The following PCDHA6 variants were observed in gnomAD, a reference collection of about 807,000 sequenced individuals.
PCDHA6 encodes protocadherin alpha-6.
In PCDHA6, 55 loss-of-function variants were observed where a neutral mutation model predicts 60.3. That is an observed-to-expected ratio of 0.91 (90% CI 0.73 to 1.14). The LOEUF (loss-of-function observed/expected upper bound fraction) is 1.14. Ranked by LOEUF, PCDHA6 falls within the 50% of genes most tolerant of loss-of-function variation. The pLI is 0.00. For synonymous variants in PCDHA6, 652 were observed against 557.9 expected, an observed-to-expected ratio of 1.17 and a Z score of -2.38; for missense variants, 1,327 against 1,256.5, an observed-to-expected ratio of 1.06 and a Z score of -0.85.
In PCDHA6 at chr5:140,830,478, A is replaced by G; in HGVS notation, c.2387A>G (p.Asp796Gly). 2.0e-6 allele frequency: 3 copies of G among 1,521,696 alleles called. No homozygotes were observed. The highest frequency in any genetic ancestry group is 2.3e-5 in the East Asian group (1 of 42,770). The allele number at this position is 1,521,696 out of a possible 1,614,324, so 94.3% of individuals were successfully genotyped here. A position where few individuals can be genotyped will look rare whatever the true frequency, so the allele number is the denominator to read the frequency against. ...AATCAGGATTTAAATGAAGATCATGATGCCAAAGTAAGTGAATTTTCATAA... is the reference window on the plus strand; with the variant it reads ...AATCAGGATTTAAATGAAGATCATGGTGCCAAAGTAAGTGAATTTTCATAA... ...AENQDLNEDH[D>G]AKPRQPNPDW... Residue 796 changes from aspartate (D) to glycine (G), a missense_variant, in exon 1 of 4, where the codon GAT becomes GGT. Coordinates refer to ENST00000529310, the MANE Select transcript of PCDHA6 (RefSeq NM_018909.4).
At chr5:140,924,944 TAA>T (rs11334471) in intron 1 of PCDHA6, among the ~76,000 whole-genome samples, 87 of 142,948 alleles carry the variant, frequency 6.1e-4, no homozygotes, top group African/African-American at 2.0e-3. Flanking sequence ...AATAAAAAGT[TAA>T]AAAAAAAATG....
chr5:140,955,676 C>T (rs374545278), intron 1 of PCDHA6, among the ~76,000 whole-genome samples: 40 of 152,096 alleles, frequency 2.6e-4, no homozygotes, highest in African/African-American at 8.7e-4. Context: ...ATAGTTTTTT[C>T]GAAATCTGTG....
intron 1 of PCDHA6, among the ~76,000 whole-genome samples, chr5:140,906,376 C>T (rs1372120775): frequency 1.3e-5 from 2 of 152,166 alleles, no homozygotes; most frequent in Admixed American, 6.5e-5. Context: ...AATGCTATTA[C>T]ATAAAGTTAA....
intron 1 of PCDHA6, among the ~76,000 whole-genome samples, chr5:140,831,887 T>C (rs2150198010): frequency 2.4e-4 from 37 of 152,304 alleles, no homozygotes; most frequent in African/African-American, 6.5e-4. Context: ...CGCTTATAAC[T>C]GTGTTTGCCA....
rs1769872389 is a variant in PCDHA6, at chr5:140,828,655, C to T, written c.564C>T (p.Asp188=). 6.2e-7 allele frequency: 1 copy of T among 1,613,992 alleles called. No individual in the cohort carries two copies. The highest frequency in any genetic ancestry group is 8.5e-7 in the Non-Finnish European group (1 of 1,180,016). Residue 188 remains aspartate, a synonymous_variant, in exon 1 of 4, where the codon GAC becomes GAT. Coordinates refer to ENST00000529310, the MANE Select transcript of PCDHA6 (RefSeq NM_018909.4). The part of the protein sequence containing the change: ...FGLDVKINSD[D]NKQIGLLLKK... ...TAGATGTGAAAATAAACAGTGATGA[C>T]AATAAACAAATTGGGCTCTTATTAA...
At chr5:140,970,408 A>G (rs1292683019) in intron 1 of PCDHA6, among the ~76,000 whole-genome samples, 1 of 152,202 alleles carries the variant, frequency 6.6e-6, no homozygotes, top group Admixed American at 6.5e-5. Context: ...GGCTTACCCT[A>G]CAGTAAGGTG....
chr5:141,003,001 C>T (rs1403843420), intron 3 of PCDHA6, among the ~76,000 whole-genome samples: 3 of 152,182 alleles, frequency 2.0e-5, no homozygotes, highest in Admixed American at 1.3e-4. Flanking sequence ...AGTTTATGTT[C>T]TATTAGGGAA....
chr5:141,009,449 A>T, intron 3 of PCDHA6, among the ~76,000 whole-genome samples, 178 bp from the exon 4 acceptor site: 1 of 152,184 alleles, frequency 6.6e-6, no homozygotes, highest in Non-Finnish European at 1.5e-5. Context: ...GTCTCAAAAA[A>T]ATTAAACAAA....
chr5:140,838,276 G>A (rs1775636569), intron 1 of PCDHA6, among the ~76,000 whole-genome samples: 1 of 88,868 alleles, frequency 1.1e-5, no homozygotes, highest in South Asian at 3.7e-4. Flanking sequence ...ACCAAGCCAT[G>A]CTAATTTTTT....
rs782516629 is a variant in PCDHA6, at chr5:140,876,277, C to G, written c.2394+45792C>G. 5 of 1,613,988 alleles carry G rather than the reference C, an allele frequency of 3.1e-6. No homozygotes were observed. The highest frequency in any genetic ancestry group is 2.2e-5 in the East Asian group (1 of 44,886). Reference sequence around the variant, plus strand: ...AGTGATCCAACTAAATGCTTCCGATCCAGACGAAGGACTTAATGGAGAAAT... The same window carrying G: ...AGTGATCCAACTAAATGCTTCCGATGCAGACGAAGGACTTAATGGAGAAAT... On this transcript the variant is annotated intron_variant, in intron 1 of 3. Transcript: ENST00000529310.
chr5:140,985,063 G>C (rs2097134230), intron 3 of PCDHA6, among the ~76,000 whole-genome samples: 1 of 151,948 alleles, frequency 6.6e-6, no homozygotes, highest in African/African-American at 2.4e-5. Flanking sequence ...TCAGCCTCCT[G>C]AGTAGCTGAG....
At chr5:140,856,264 C>A (rs1309055685) in intron 1 of PCDHA6, 7 of 1,598,114 alleles carry the variant, frequency 4.4e-6, no homozygotes, top group South Asian at 3.3e-5. Flanking sequence ...GACACGGGGA[C>A]CTTCTGGAGG....
intron 1 of PCDHA6, among the ~76,000 whole-genome samples, chr5:140,839,019 G>T (rs1394721397): frequency 3.9e-5 from 6 of 151,970 alleles, no homozygotes; most frequent in Non-Finnish European, 8.8e-5. Context: ...AATTATTTTA[G>T]GATATGTTAC....
At chr5:140,909,926 A>G (rs781804027) in intron 1 of PCDHA6, among the ~76,000 whole-genome samples, 4 of 152,190 alleles carry the variant, frequency 2.6e-5, no homozygotes, top group Admixed American at 2.6e-4. Flanking sequence ...CCTTTCCCCA[A>G]TCACAGTTAC....
At position 140,848,871 on chromosome 5, in the gene PCDHA6, A is replaced by G. The variant is rs2040646232; in HGVS notation, c.2394+18386A>G. The G allele has an allele frequency of 4.4e-6, 7 of 1,590,744 alleles. 1 individual carries two copies. The African/African-American group carries it at 6.8e-5, about 15-fold the overall frequency. On this transcript the variant is annotated intron_variant, in intron 1 of 3. Coordinates refer to ENST00000529310, the MANE Select transcript of PCDHA6 (RefSeq NM_018909.4). ...CCATGTGGACGTGGAGGTGAAGGAC[A>G]TTAACGACAACCCTCCAGTGTTCCC...
At chr5:140,839,113 G>A (rs2150294815) in intron 1 of PCDHA6, among the ~76,000 whole-genome samples, 18 of 151,872 alleles carry the variant, frequency 1.2e-4, no homozygotes, top group African/African-American at 4.4e-4. Flanking sequence ...TTACCATTAA[G>A]CCATAATATG....
At chr5:140,843,750 A>G (rs2150366095) in intron 1 of PCDHA6, 5 of 1,520,464 alleles carry the variant, frequency 3.3e-6, no homozygotes, top group South Asian at 1.2e-5. Context: ...CATAAATTCT[A>G]TTTGTGGAAA....
intron 1 of PCDHA6, among the ~76,000 whole-genome samples, chr5:140,889,996 A>G (rs1162958741): frequency 5.3e-5 from 8 of 152,152 alleles, no homozygotes; most frequent in African/African-American, 1.9e-4. Flanking sequence ...TAGCTTTCCA[A>G]GCTTAGGTGC....
At position 140,857,142 on chromosome 5, in the gene PCDHA6, G is replaced by A. The variant is rs782455438; in HGVS notation, c.2394+26657G>A. On this transcript the variant is annotated intron_variant, in intron 1 of 3. Transcript: ENST00000529310. ...CCAGTGAAAGAAGATGCTCAAGTGGGCACCGTCATTGCCCTAATCAGCGTT... is the reference window on the plus strand; with the variant it reads ...CCAGTGAAAGAAGATGCTCAAGTGGACACCGTCATTGCCCTAATCAGCGTT... 4 of 1,598,268 alleles carry A rather than the reference G, an allele frequency of 2.5e-6. No homozygotes were observed. The highest frequency in any genetic ancestry group is 3.4e-5 in the Admixed American group (2 of 59,268).
Sources: gnomAD v4.1 joint callset for allele counts (sites outside exome capture counted in the v4.1 genomes callset) on GRCh38, gnomAD v4.1.1 for gene constraint, MANE v1.5 for transcripts, NCBI Gene and HGNC (gene_info 2026-07-23, HGNC 2026-07-21) for gene names.